NRG3: variants seen among roughly 807,000 people sequenced by gnomAD.
The protein encoded by NRG3 is pro-neuregulin-3, membrane-bound isoform.
In NRG3, 31 loss-of-function variants were observed where a neutral mutation model predicts 66.9. The ratio of observed to expected loss-of-function variants is 0.46; its 90% CI spans 0.35 to 0.63. The LOEUF (loss-of-function observed/expected upper bound fraction) is 0.63. Among genes scored for constraint, NRG3 ranks in the 20% least tolerant of loss-of-function variants. The pLI, the probability that NRG3 is intolerant of heterozygous loss-of-function variation, is 0.00. For missense variants in NRG3, 910 were observed against 878.9 expected (o/e 1.04, Z -0.45); for synonymous variants, 393 against 359.4 (o/e 1.09, Z -1.06).
Position 81,971,214 on chromosome 10 carries a change from C to T in NRG3, c.823+95051C>T, listed in dbSNP as rs938862092. ...AGAGCCCCGAGGCTTAAGCTTCATG[C>T]GCTTCTTTGTAAATATTTCTCTTTT... is the stretch of plus-strand genomic sequence containing the variant. On this transcript the variant is annotated intron_variant, in intron 1 of 8. Transcript: ENST00000372141. 1.5e-4 allele frequency among the ~76,000 whole-genome samples: 23 copies of T among 152,264 alleles called. No homozygotes were observed. The East Asian group carries it at 3.1e-3, about 20-fold the overall frequency.
chr10:82,132,897 T>C (rs1021435223), intron 1 of NRG3, among the ~76,000 whole-genome samples: 1 of 152,006 alleles, frequency 6.6e-6, no homozygotes, highest in East Asian at 1.9e-4. Context: ...ATTCTTTGAA[T>C]TTCTTCAATA....
At chr10:82,102,944 A>C (rs562025358) in intron 1 of NRG3, among the ~76,000 whole-genome samples, 1 of 152,198 alleles carries the variant, frequency 6.6e-6, no homozygotes, top group South Asian at 2.1e-4. Flanking sequence ...TTCTGCCTTC[A>C]TTTTGGAAGT....
intron 2 of NRG3, among the ~76,000 whole-genome samples, chr10:82,646,532 A>C (rs1045200802): frequency 6.6e-6 from 1 of 152,198 alleles, no homozygotes; most frequent in Non-Finnish European, 1.5e-5. Context: ...AATGTGATTT[A>C]ACTTCCCATT....
At chr10:82,308,205 G>A (rs547253847) in intron 1 of NRG3, among the ~76,000 whole-genome samples, 20 of 152,098 alleles carry the variant, frequency 1.3e-4, no homozygotes, top group African/African-American at 3.6e-4. Context: ...TCCCTCTGTC[G>A]CCCAGGCTGA....
chr10:82,460,492 T>G (rs2091462202), intron 2 of NRG3, among the ~76,000 whole-genome samples: 1 of 152,212 alleles, frequency 6.6e-6, no homozygotes, highest in Non-Finnish European at 1.5e-5. Context: ...TTCCTCCCTT[T>G]ACCTCAAGAG....
chr10:82,704,382 G>A (rs1170864875), intron 2 of NRG3, among the ~76,000 whole-genome samples: 1 of 152,172 alleles, frequency 6.6e-6, no homozygotes, highest in Non-Finnish European at 1.5e-5. Context: ...ATTTTTGAGG[G>A]ACAGTTGGTA....
intron 1 of NRG3, among the ~76,000 whole-genome samples, chr10:82,104,547 G>A (rs2066947409): frequency 6.6e-6 from 1 of 152,122 alleles, no homozygotes; most frequent in East Asian, 1.9e-4. Flanking sequence ...ACAAGATAAA[G>A]CAATATGAGG....
At chr10:82,578,404 T>C (rs894881648) in intron 2 of NRG3, among the ~76,000 whole-genome samples, 1 of 150,742 alleles carries the variant, frequency 6.6e-6, no homozygotes, top group African/African-American at 2.4e-5. Flanking sequence ...GAAAGCTATA[T>C]GGTTTCTGTG....
intron 2 of NRG3, among the ~76,000 whole-genome samples, chr10:82,627,706 G>C (rs549886880): frequency 6.6e-6 from 1 of 152,036 alleles, no homozygotes; most frequent in Non-Finnish European, 1.5e-5. Context: ...GTGCCAAATG[G>C]ACTCTCACAT....
At chr10:82,662,823 A>G (rs774649968) in intron 2 of NRG3, among the ~76,000 whole-genome samples, 1 of 152,222 alleles carries the variant, frequency 6.6e-6, no homozygotes, top group African/African-American at 2.4e-5. Context: ...TAAAGGCTCC[A>G]TAAAACCTTT....
chr10:82,951,641 C>A, intron 5 of NRG3, 70 bp downstream of exon 5: 2 of 1,323,746 alleles, frequency 1.5e-6, no homozygotes, highest in South Asian at 1.2e-5. Context: ...TTTAAGTTCT[C>A]AGTCTGTGTG....
intron 2 of NRG3, among the ~76,000 whole-genome samples, chr10:82,523,668 G>C (rs1846420300): frequency 6.6e-6 from 1 of 152,062 alleles, no homozygotes. Context: ...CTCCCATTCT[G>C]TGGGTAGCAT....
intron 1 of NRG3, among the ~76,000 whole-genome samples, chr10:81,946,531 C>A (rs1439441266): frequency 6.6e-6 from 1 of 152,116 alleles, no homozygotes; most frequent in African/African-American, 2.4e-5. Flanking sequence ...CCAAGTATTT[C>A]TGCAGGGAAG....
chr10:82,405,829 C>T (rs192245390), intron 2 of NRG3, among the ~76,000 whole-genome samples: 148 of 152,168 alleles, frequency 9.7e-4, no homozygotes, highest in African/African-American at 3.4e-3. Context: ...ATGATTGGAC[C>T]CTGAGTAGAT....
intron 3 of NRG3, among the ~76,000 whole-genome samples, chr10:82,790,057 T>C (rs897645475): frequency 6.6e-6 from 1 of 152,124 alleles, no homozygotes; most frequent in Non-Finnish European, 1.5e-5. Flanking sequence ...ACTTTATGCA[T>C]CATAATATAA....
chr10:82,320,655 A>T (rs999918986), intron 1 of NRG3, among the ~76,000 whole-genome samples: 1 of 152,160 alleles, frequency 6.6e-6, no homozygotes, highest in African/African-American at 2.4e-5. Flanking sequence ...CTAGCCAGAA[A>T]CAGGGTAGCA....
intron 2 of NRG3, among the ~76,000 whole-genome samples, chr10:82,394,664 T>A (rs1207457455): frequency 6.6e-6 from 1 of 152,158 alleles, no homozygotes; most frequent in African/African-American, 2.4e-5. Context: ...TTAAAACCAT[T>A]AGTAAAATAC....
chr10:82,360,242 A>T (rs2084043030), intron 2 of NRG3, among the ~76,000 whole-genome samples: 1 of 152,170 alleles, frequency 6.6e-6, no homozygotes, highest in Non-Finnish European at 1.5e-5. Context: ...CTGTGCATGT[A>T]TGGATACAAA....
At chr10:82,425,637 T>A (rs2089378063) in intron 2 of NRG3, among the ~76,000 whole-genome samples, 1 of 152,186 alleles carries the variant, frequency 6.6e-6, no homozygotes, top group Admixed American at 6.6e-5. Context: ...TGACTTGTAA[T>A]TATTTTGTTG....
Sources: allele counts gnomAD v4.1 joint callset (sites outside exome capture counted in the v4.1 genomes callset), GRCh38; gene constraint gnomAD v4.1.1; transcripts MANE v1.5; gene names NCBI Gene and HGNC (gene_info 2026-07-23, HGNC 2026-07-21).